GABRA5: variants seen among roughly 807,000 people sequenced by gnomAD.
GABRA5 encodes gamma-aminobutyric acid receptor subunit alpha-5.
In GABRA5, 18 loss-of-function variants were observed where a neutral mutation model predicts 47.3. That is an observed-to-expected ratio of 0.38 (90% CI 0.26 to 0.56). The LOEUF is 0.56. Among genes scored for constraint, GABRA5 ranks in the 20% least tolerant of loss-of-function variants. The probability of loss-of-function intolerance (pLI) is 0.71; values close to 1 mark genes in which losing one functional copy is unlikely to be tolerated. For missense variants in GABRA5, 365 were observed against 599.3 expected (o/e 0.61, Z 4.08); for synonymous variants, 237 against 229.3 (o/e 1.03, Z -0.30).
intron 7 of GABRA5, among the ~76,000 whole-genome samples, chr15:26,923,482 G>A (rs945084391): frequency 2.7e-5 from 4 of 150,872 alleles, no homozygotes; most frequent in African/African-American, 9.8e-5. Context: ...TATAGGTAAG[G>A]TCTCATTTCT....
intron 6 of GABRA5, among the ~76,000 whole-genome samples, chr15:26,884,086 G>C (rs1595398180): frequency 6.6e-6 from 1 of 152,154 alleles, no homozygotes; most frequent in East Asian, 1.9e-4. Flanking sequence ...CTACTTGGCA[G>C]GCTGAGGTGG....
At chr15:26,894,029 G>A (rs976478987) in intron 6 of GABRA5, among the ~76,000 whole-genome samples, 2 of 143,988 alleles carry the variant, frequency 1.4e-5, no homozygotes, top group East Asian at 4.1e-4. Context: ...GACTGGAGAG[G>A]GGAGGCAGTT....
At position 26,867,614 on chromosome 15, in the gene GABRA5, C is replaced by T. The variant is rs568505509; in HGVS notation, c.-140+503C>T. On this transcript the variant is annotated intron_variant, in intron 1 of 10. Coordinates refer to ENST00000335625, the MANE Select transcript of GABRA5 (RefSeq NM_000810.4). The surrounding 1 kb of genome is among the most constrained non-coding windows in gnomAD (Gnocchi z 5.9). Reference sequence around the variant, plus strand: ...GCCGGGCGCGGGAGAGAGCGGGGTCCGGGCGGCTCATCCCTGCCGGACGGG... The same window carrying T: ...GCCGGGCGCGGGAGAGAGCGGGGTCTGGGCGGCTCATCCCTGCCGGACGGG... Among the ~76,000 whole-genome samples, 255 of 152,032 alleles carry T rather than the reference C, an allele frequency of 1.7e-3. 1 individual carries two copies. The highest frequency in any genetic ancestry group is 5.7e-3 in the African/African-American group (238 of 41,520).
chr15:26,921,394 T>A (rs948672134), intron 7 of GABRA5, among the ~76,000 whole-genome samples: 1 of 152,150 alleles, frequency 6.6e-6, no homozygotes, highest in East Asian at 1.9e-4. Context: ...TATATTAAAT[T>A]TGTGTAGAGT....
chr15:26,942,028 C>T (rs1267064728), intron 9 of GABRA5, among the ~76,000 whole-genome samples: 1 of 152,216 alleles, frequency 6.6e-6, no homozygotes, highest in Non-Finnish European at 1.5e-5. Context: ...CCATCGCCCA[C>T]ACAGGTGCAC....
chr15:26,881,021 C>G, intron 4 of GABRA5, 54 bp downstream of exon 4: 1 of 1,591,910 alleles, frequency 6.3e-7, no homozygotes, highest in Non-Finnish European at 8.5e-7. Flanking sequence ...GGGCTTAAGT[C>G]TCGTCTCAAG....
intron 7 of GABRA5, among the ~76,000 whole-genome samples, chr15:26,929,277 T>C (rs1045422892): frequency 2.0e-5 from 3 of 152,202 alleles, no homozygotes; most frequent in Admixed American, 6.5e-5. Context: ...AGGATAGACA[T>C]TCCCATTCCA....
At chr15:26,895,977 A>G (rs776229939) in intron 6 of GABRA5, among the ~76,000 whole-genome samples, 1 of 151,280 alleles carries the variant, frequency 6.6e-6, no homozygotes, top group Non-Finnish European at 1.5e-5. Flanking sequence ...CTCCATGCAC[A>G]GTGGTCCGGA....
chr15:26,877,349 ACAT>A (rs1335923350), intron 3 of GABRA5, among the ~76,000 whole-genome samples: 1 of 152,168 alleles, frequency 6.6e-6, no homozygotes, highest in Non-Finnish European at 1.5e-5. Context: ...TTTGAGGAAA[ACAT>A]CACACAATGG....
intron 6 of GABRA5, among the ~76,000 whole-genome samples, chr15:26,904,927 T>C (rs780059709): frequency 1.3e-5 from 2 of 152,200 alleles, no homozygotes; most frequent in Non-Finnish European, 2.9e-5. Flanking sequence ...ACTTCCTTGC[T>C]TCCTATTAGG....
At chr15:26,869,498 G>A (rs562261986) in intron 3 of GABRA5, among the ~76,000 whole-genome samples, 164 bp downstream of exon 3, 6 of 152,250 alleles carry the variant, frequency 3.9e-5, no homozygotes, top group South Asian at 4.1e-4. Flanking sequence ...CCTGACCCAC[G>A]CTTTCTTCCT....
At chr15:26,937,553 C>T (rs1359026098) in intron 8 of GABRA5, among the ~76,000 whole-genome samples, 3 of 152,198 alleles carry the variant, frequency 2.0e-5, no homozygotes, top group Non-Finnish European at 4.4e-5. Context: ...CACACAGAGG[C>T]ACCAGCTGTG....
At chr15:26,896,537 C>G (rs1878537668) in intron 6 of GABRA5, among the ~76,000 whole-genome samples, 1 of 152,146 alleles carries the variant, frequency 6.6e-6, no homozygotes, top group South Asian at 2.1e-4. Flanking sequence ...TAGAAATAAA[C>G]AGTCACAAGA....
chr15:26,939,767 T>G (rs1894341579), intron 8 of GABRA5, among the ~76,000 whole-genome samples, 158 bp from the exon 9 acceptor site: 1 of 152,082 alleles, frequency 6.6e-6, no homozygotes, highest in Admixed American at 6.6e-5. Flanking sequence ...CGATAACAAA[T>G]TCATGCATCC....
chr15:26,929,982 TTTCTTCTTCTTC>T (rs1223099935), intron 7 of GABRA5, among the ~76,000 whole-genome samples: 1 of 148,314 alleles, frequency 6.7e-6, no homozygotes, highest in African/African-American at 2.5e-5. Context: ...ATTCTGCTTC[TTTCTTCTTCTTC>T]TTCTTCTTCT....
At chr15:26,868,299 T>C (rs1266240219) in intron 1 of GABRA5, among the ~76,000 whole-genome samples, 1 of 151,994 alleles carries the variant, frequency 6.6e-6, no homozygotes, top group Non-Finnish European at 1.5e-5. Context: ...ACCCTGCCCT[T>C]CTTGGCAGGA....
At chr15:26,942,645 G>C (rs1244057967) in intron 9 of GABRA5, among the ~76,000 whole-genome samples, 1 of 152,172 alleles carries the variant, frequency 6.6e-6, no homozygotes, top group African/African-American at 2.4e-5. Context: ...AGCACTGGCT[G>C]TTTGCCTGGC....
chr15:26,879,304 G>A (rs1253548469), intron 3 of GABRA5, among the ~76,000 whole-genome samples: 2 of 152,194 alleles, frequency 1.3e-5, no homozygotes, highest in African/African-American at 4.8e-5. Context: ...AACTGGGCAG[G>A]TACAAAATAT....
intron 6 of GABRA5, among the ~76,000 whole-genome samples, chr15:26,901,136 T>G (rs1349530356): frequency 6.6e-6 from 1 of 152,224 alleles, no homozygotes; most frequent in Non-Finnish European, 1.5e-5. Flanking sequence ...TTGTGAAGGC[T>G]TTTGTGTAGG....
Sources: allele counts gnomAD v4.1 joint callset (sites outside exome capture counted in the v4.1 genomes callset), GRCh38; gene constraint gnomAD v4.1.1; non-coding constraint Gnocchi (gnomAD v3.1); transcripts MANE v1.5; gene names NCBI Gene and HGNC (gene_info 2026-07-23, HGNC 2026-07-21).